The following TNRC6A variants were observed in gnomAD, a reference collection of about 807,000 sequenced individuals.
The protein encoded by TNRC6A is trinucleotide repeat containing adaptor 6A, also known as trinucleotide repeat-containing gene 6A protein.
In TNRC6A, 44 loss-of-function variants were observed where a neutral mutation model predicts 221.2. The observed-to-expected ratio is 0.20, with a 90% CI of 0.16 to 0.26. The LOEUF is 0.26. Among genes scored for constraint, TNRC6A ranks in the 10% least tolerant of loss-of-function variants. The probability of loss-of-function intolerance (pLI) is 1.00; values close to 1 mark genes in which losing one functional copy is unlikely to be tolerated. For missense variants in TNRC6A, 2,199 were observed against 2,404.4 expected, an observed-to-expected ratio of 0.91 and a Z score of 1.79; for synonymous variants, 847 against 838.5, an observed-to-expected ratio of 1.01 and a Z score of -0.18.
intron 11 of TNRC6A, among the ~76,000 whole-genome samples, chr16:24,799,664 T>G (rs770350277): frequency 2.6e-5 from 4 of 152,224 alleles, no homozygotes; most frequent in Non-Finnish European, 5.9e-5. Context: ...ATAGAAAATA[T>G]GCAAATCTAC....
intron 1 of TNRC6A, among the ~76,000 whole-genome samples, chr16:24,625,737 C>CAAAAAAAAAAAA (rs749882396): frequency 4.2e-5 from 1 of 24,044 alleles, no homozygotes; most frequent in African/African-American, 1.5e-4. Flanking sequence ...CGTCTCAAAA[C>CAAAAAAAAAAAA]AAAAAAAAAA....
In TNRC6A at chr16:24,791,210, C is replaced by T; in HGVS notation, c.2568C>T (p.Asn856=). The change falls in exon 6 of 25, where the codon AAC becomes AAT. Residue 856 remains asparagine (N), a synonymous_variant. Coordinates refer to ENST00000395799, the MANE Select transcript of TNRC6A (RefSeq NM_014494.4). The part of the protein sequence containing the change: ...SQGWSVSASD[N]WGETSRNNHW... ...GGTGGTCTGTTTCTGCCAGTGATAACTGGGGAGAAACTTCAAGGAATAACC... is the reference window on the plus strand; with the variant it reads ...GGTGGTCTGTTTCTGCCAGTGATAATTGGGGAGAAACTTCAAGGAATAACC... 1 of 1,614,106 alleles carries T rather than the reference C, an allele frequency of 6.2e-7. No homozygotes were observed. Among genetic ancestry groups the T allele is most frequent in the Non-Finnish European group, 8.5e-7 (1 of 1,180,010 alleles).
chr16:24,638,513 G>A (rs890207902), intron 1 of TNRC6A, among the ~76,000 whole-genome samples: 1 of 152,152 alleles, frequency 6.6e-6, no homozygotes, highest in Non-Finnish European at 1.5e-5. Context: ...AGGAGTTCAA[G>A]ACCAGCCTGG....
chr16:24,750,171 A>G (rs1213433304), intron 2 of TNRC6A, among the ~76,000 whole-genome samples: 13 of 152,224 alleles, frequency 8.5e-5, no homozygotes, highest in Non-Finnish European at 2.9e-5. Context: ...TTGTTTCCCA[A>G]GAATTGATAG....
chr16:24,755,234 A>G (rs1396234891), intron 3 of TNRC6A, among the ~76,000 whole-genome samples: 1 of 152,242 alleles, frequency 6.6e-6, no homozygotes, highest in Non-Finnish European at 1.5e-5. Flanking sequence ...GAATTGAGCT[A>G]GATTAATTCT....
At chr16:24,799,751 A>G (rs1351997358) in intron 11 of TNRC6A, among the ~76,000 whole-genome samples, 1 of 152,194 alleles carries the variant, frequency 6.6e-6, no homozygotes. Flanking sequence ...CCTATTCTGT[A>G]CTTAACTCAC....
intron 2 of TNRC6A, among the ~76,000 whole-genome samples, chr16:24,688,957 T>C (rs1182252828): frequency 6.6e-6 from 1 of 152,072 alleles, no homozygotes; most frequent in African/African-American, 2.4e-5. Context: ...ACCCAGCATT[T>C]TGGGAGGCCG....
chr16:24,674,964 C>T (rs1318971502), intron 2 of TNRC6A, among the ~76,000 whole-genome samples: 1 of 151,982 alleles, frequency 6.6e-6, no homozygotes, highest in Non-Finnish European at 1.5e-5. Flanking sequence ...CGTATTGAGA[C>T]CACTGTCTCT....
At chr16:24,748,719 G>A (rs11862910) in intron 2 of TNRC6A, among the ~76,000 whole-genome samples, 3,815 of 151,862 alleles carry the variant, frequency 0.025, 172 homozygotes, top group African/African-American at 0.086. Flanking sequence ...TCATTGCAGC[G>A]CACCTATAGC....
intron 1 of TNRC6A, among the ~76,000 whole-genome samples, chr16:24,639,430 C>CT (rs1373592252): frequency 8.6e-5 from 13 of 151,980 alleles, no homozygotes; most frequent in African/African-American, 3.1e-4. Context: ...GAGTTGGAGG[C>CT]TGCAGTGAGC....
At chr16:24,675,708 A>C (rs373125736) in intron 2 of TNRC6A, among the ~76,000 whole-genome samples, 5,677 of 57,282 alleles carry the variant, frequency 0.099, 125 homozygotes, top group Non-Finnish European at 0.11. Flanking sequence ...CTCTCTATAT[A>C]TATATATATA....
intron 2 of TNRC6A, among the ~76,000 whole-genome samples, chr16:24,744,866 AAT>A (rs746452382): frequency 6.6e-6 from 1 of 151,846 alleles, no homozygotes; most frequent in African/African-American, 2.4e-5. Flanking sequence ...AGGACATGTA[AAT>A]ATATATATAT....
chr16:24,732,473 C>T (rs1033081823), intron 2 of TNRC6A, among the ~76,000 whole-genome samples: 2 of 152,156 alleles, frequency 1.3e-5, no homozygotes, highest in African/African-American at 4.8e-5. Flanking sequence ...TCATCTGATC[C>T]TTGAAAAACC....
At chr16:24,810,956 C>CACT (rs1191452880) in intron 18 of TNRC6A, among the ~76,000 whole-genome samples, 4 of 152,166 alleles carry the variant, frequency 2.6e-5, no homozygotes, top group Non-Finnish European at 4.4e-5. Context: ...ACTTGCATAA[C>CACT]TGATCAGCTA....
At chr16:24,745,059 GA>G (rs959906105) in intron 2 of TNRC6A, among the ~76,000 whole-genome samples, 8 of 152,250 alleles carry the variant, frequency 5.3e-5, no homozygotes, top group African/African-American at 1.9e-4. Flanking sequence ...TGTATTTGCA[GA>G]TAATTGTCAG....
At chr16:24,693,691 G>A (rs1232292388) in intron 2 of TNRC6A, among the ~76,000 whole-genome samples, 1 of 152,152 alleles carries the variant, frequency 6.6e-6, no homozygotes, top group Admixed American at 6.6e-5. Flanking sequence ...ATGGAGCCCA[G>A]GAGGTCAAGA....
chr16:24,719,462 C>T (rs2056372523), intron 2 of TNRC6A, among the ~76,000 whole-genome samples: 1 of 152,020 alleles, frequency 6.6e-6, no homozygotes, highest in Admixed American at 6.6e-5. Flanking sequence ...GAGTTCAAGA[C>T]CAGCCTGGCC....
intron 2 of TNRC6A, among the ~76,000 whole-genome samples, chr16:24,684,104 A>G (rs2055582245): frequency 6.6e-6 from 1 of 152,242 alleles, no homozygotes; most frequent in Non-Finnish European, 1.5e-5. Context: ...CTGTATGTCA[A>G]TAAAACTTTA....
intron 5 of TNRC6A, among the ~76,000 whole-genome samples, chr16:24,777,649 T>C (rs987107937): frequency 1.3e-4 from 20 of 152,072 alleles, no homozygotes; most frequent in African/African-American, 4.6e-4. Context: ...TGAGCACCCT[T>C]CCCCCCAGGC....
Sources: gnomAD v4.1 joint callset for allele counts (sites outside exome capture counted in the v4.1 genomes callset) on GRCh38, gnomAD v4.1.1 for gene constraint, MANE v1.5 for transcripts, NCBI Gene and HGNC (gene_info 2026-07-23, HGNC 2026-07-21) for gene names.